Variants in HOXB6 observed in about 807,000 individuals in gnomAD.
HOXB6 encodes homeobox protein Hox-B6.
Under a neutral mutation model 24.2 loss-of-function variants are expected in HOXB6, and 18 were observed. The observed-to-expected ratio is 0.74, with a 90% CI of 0.51 to 1.10. The LOEUF is 1.10. Ranked by LOEUF, HOXB6 falls within the 50% of genes least tolerant of loss-of-function variation. HOXB6 has a pLI of 0.00. For synonymous variants in HOXB6, 159 were observed against 139.1 expected, an observed-to-expected ratio of 1.14 and a Z score of -1.01; for missense variants, 332 against 308.3, an observed-to-expected ratio of 1.08 and a Z score of -0.58.
chr17:48,597,650 T>C (rs2070340326), intron 3 of HOXB6, 86 bp downstream of exon 3: 7 of 1,388,766 alleles, frequency 5.0e-6, no homozygotes, highest in South Asian at 1.2e-5. Context: ...CTGTGGGAGA[T>C]TGGGGCAGGG....
chr17:48,596,568 G>C lies in HOXB6; in HGVS notation c.520C>G (p.Arg174Gly), dbSNP rs1196816931. The change falls in exon 4 of 4, where the codon CGG becomes GGG. Residue 174 changes from arginine to glycine, a missense_variant. Physicochemically the swap from Arg to Gly is moderately radical, Grantham distance 125. Coordinates refer to ENST00000225648, the MANE Select transcript of HOXB6 (RefSeq NM_018952.5). The surrounding 1 kb of genome is among the most constrained non-coding windows in gnomAD (Gnocchi z 4.8). ...EFHYNRYLTR[R>G]RRIEIAHALC... The stretch of plus-strand genomic sequence containing the variant: ...GCGTGCGCGATCTCGATGCGCCGCC[G>C]CCGCGTCAGGTAGCGATTGTAGTGA... 6.2e-7 allele frequency: 1 copy of C among 1,614,230 alleles called. No homozygotes were observed. Among genetic ancestry groups the C allele is most frequent in the Non-Finnish European group, 8.5e-7 (1 of 1,180,042 alleles).
chr17:48,597,278 GA>G, intron 3 of HOXB6: 1 of 222,482 alleles, frequency 4.5e-6, no homozygotes, highest in Non-Finnish European at 8.9e-6. Flanking sequence ...CACCCACAGG[GA>G]AACACAGTCC....
intron 2 of HOXB6, among the ~76,000 whole-genome samples, chr17:48,599,612 G>A (rs904497018): frequency 2.0e-5 from 3 of 152,140 alleles, no homozygotes; most frequent in African/African-American, 4.8e-5. Flanking sequence ...CAGCTTTGCC[G>A]CCTTACAAAT....
intron 2 of HOXB6, chr17:48,601,837 C>A: frequency 8.6e-6 from 2 of 231,582 alleles, no homozygotes; most frequent in Non-Finnish European, 1.8e-5. Context: ...TTTAAAGGAA[C>A]TGCCAGAGCT....
At chr17:48,599,805 G>A (rs1345314521) in intron 2 of HOXB6, among the ~76,000 whole-genome samples, 1 of 152,208 alleles carries the variant, frequency 6.6e-6, no homozygotes, top group African/African-American at 2.4e-5. Context: ...ATGGAACAAA[G>A]TCAGATGTCA....
intron 2 of HOXB6, among the ~76,000 whole-genome samples, chr17:48,601,060 C>T (rs1158626685): frequency 6.7e-6 from 1 of 150,276 alleles, no homozygotes; most frequent in Non-Finnish European, 1.5e-5. Context: ...GAGACATTGT[C>T]CAGGCTTCCA....
intron 2 of HOXB6, 40 bp from the exon 3 acceptor site, chr17:48,598,268 G>A (rs965480235): frequency 1.5e-5 from 16 of 1,056,986 alleles, no homozygotes; most frequent in Non-Finnish European, 2.0e-5. Context: ...TAGCTGAGGG[G>A]GGATGGCGAG....
chr17:48,597,600 A>C, intron 3 of HOXB6, 136 bp downstream of exon 3: 1 of 962,408 alleles, frequency 1.0e-6, no homozygotes, highest in Non-Finnish European at 1.6e-6. Flanking sequence ...CCGGCGCCCA[A>C]TCTTCTTCTA....
At chr17:48,604,041 C>T (rs2070528127) in intron 2 of HOXB6, 1 of 152,754 alleles carries the variant, frequency 6.5e-6, no homozygotes, top group Non-Finnish European at 1.5e-5. Flanking sequence ...GCGATATCCG[C>T]ACCAGGCAAG....
rs1380551695 is a variant in HOXB6 at position 48,597,826 on chromosome 17, C to T, written c.325G>A (p.Ala109Thr). ...FHPEPRKSDC[A>T]QDKSVFGETE... ...TCGCCGAACACGCTCTTGTCCTGCGCGCAGTCCGACTTCCGCGGCTCGGGG... is the reference window on the plus strand; with the variant it reads ...TCGCCGAACACGCTCTTGTCCTGCGTGCAGTCCGACTTCCGCGGCTCGGGG... The change falls in exon 3 of 4, where the codon GCG becomes ACG. Residue 109 changes from alanine (A) to threonine (T), a missense_variant. Ala to Thr is a moderately conservative substitution (Grantham distance 58, BLOSUM62 0). Coordinates refer to ENST00000225648, the MANE Select transcript of HOXB6 (RefSeq NM_018952.5). The T allele has an allele frequency of 1.1e-5, 17 of 1,604,996 alleles. No individual in the cohort carries two copies. Among genetic ancestry groups the T allele is most frequent in the Non-Finnish European group, 1.4e-5 (16 of 1,175,186 alleles).
At chr17:48,598,563 T>A (rs1597875749) in intron 2 of HOXB6, among the ~76,000 whole-genome samples, 1 of 152,190 alleles carries the variant, frequency 6.6e-6, no homozygotes. Context: ...TCCCGGGTGA[T>A]TAAATAAATA....
Position 48,597,948 on chromosome 17 carries a change from C to T in HOXB6, c.203G>A (p.Arg68Gln), listed in dbSNP as rs546181040. Residue 68 changes from arginine (R) to glutamine (Q), a missense_variant, in exon 3 of 4, where the codon CGA (arginine) becomes CAA (glutamine). By Grantham distance (43) the Arg-to-Gln change is conservative. Coordinates refer to ENST00000225648, the MANE Select transcript of HOXB6 (RefSeq NM_018952.5). ...CGGCCCGTAGTCGCAGGGCGCCGCT[C>T]GGCCGTAGCCACCGCCCGCCGGCGG... is the stretch of plus-strand genomic sequence containing the variant. ...YYPPAGGGYG[R>Q]AAPCDYGPAP... The T allele has an allele frequency of 7.6e-5, 119 of 1,572,114 alleles. No homozygotes were observed. Among genetic ancestry groups the T allele is most frequent in the Non-Finnish European group, 1.0e-4 (116 of 1,159,384 alleles).
rs200628196 is a variant in HOXB6 at position 48,597,817 on chromosome 17, T to C, written c.334A>G (p.Lys112Glu). ...TCTTCTGTCTCGCCGAACACGCTCT[T>C]GTCCTGCGCGCAGTCCGACTTCCGC... Reference protein sequence around the residue: ...EPRKSDCAQDKSVFGETEEQK... With the variant: ...EPRKSDCAQDESVFGETEEQK... The change falls in exon 3 of 4, where the codon AAG (lysine) becomes GAG (glutamate). Residue 112 changes from lysine (K) to glutamate (E), a missense_variant. Coordinates refer to ENST00000225648, the MANE Select transcript of HOXB6 (RefSeq NM_018952.5). The C allele has an allele frequency of 1.5e-4, 248 of 1,608,132 alleles. No individual in the cohort carries two copies. Among genetic ancestry groups the C allele is most frequent in the Middle Eastern group, 5.0e-4 (3 of 6,052 alleles).
chr17:48,597,674 T>A (rs2070341435), intron 3 of HOXB6, 62 bp downstream of exon 3: 7 of 1,549,368 alleles, frequency 4.5e-6, no homozygotes, highest in Non-Finnish European at 6.2e-6. Flanking sequence ...GCTCACTAGT[T>A]CTGTGTCCCG....
chr17:48,598,674 G>A (rs1218783827), intron 2 of HOXB6, among the ~76,000 whole-genome samples: 1 of 152,180 alleles, frequency 6.6e-6, no homozygotes, highest in Admixed American at 6.5e-5. Flanking sequence ...GGGAGGGTTG[G>A]GTAAATGTCT....
At position 48,596,738 on chromosome 17, in the gene HOXB6, ACC is replaced by A; in HGVS notation, c.416-68_416-67del. 2 of 1,594,174 alleles carry A rather than the reference ACC, an allele frequency of 1.3e-6. No individual in the cohort carries two copies. The highest frequency in any genetic ancestry group is 2.2e-5 in the South Asian group (2 of 90,408). On this transcript the variant is annotated intron_variant, in intron 3 of 3. Coordinates refer to ENST00000225648, the MANE Select transcript of HOXB6 (RefSeq NM_018952.5). This position sits in a 1 kb window ranked among gnomAD's most constrained non-coding sequence, Gnocchi z 4.8. ...GGCCCAGGACCCCCTCCCCTAGTCGACCCTCGAACACAGACTCCAGCCAGTAC... is the reference window on the plus strand; with the variant it reads ...GGCCCAGGACCCCCTCCCCTAGTCGACTCGAACACAGACTCCAGCCAGTAC...
chr17:48,600,281 C>A (rs1236113026), intron 2 of HOXB6, among the ~76,000 whole-genome samples: 1 of 152,076 alleles, frequency 6.6e-6, no homozygotes, highest in African/African-American at 2.4e-5. Context: ...CTGCCTCCTC[C>A]CTGCCCACAA....
At chr17:48,602,896 G>A (rs1484658773) in intron 2 of HOXB6, among the ~76,000 whole-genome samples, 4 of 152,214 alleles carry the variant, frequency 2.6e-5, no homozygotes, top group Non-Finnish European at 4.4e-5. Flanking sequence ...GTCCCCGAGT[G>A]CCGTGGGTGC....
chr17:48,595,804 T>TC lies in HOXB6; in HGVS notation c.*608_*609insG, dbSNP rs2070265482. On this transcript the variant is annotated 3_prime_UTR_variant, in exon 4 of 4. Transcript: ENST00000225648. Reference sequence around the variant, plus strand: ...TTGTTGTTGTTATTATTATTATTATTATCATCATCATCATCATCATCATCA... The same window carrying TC: ...TTGTTGTTGTTATTATTATTATTATTCATCATCATCATCATCATCATCATCA... 5.8e-4 allele frequency: 111 copies of TC among 190,660 alleles called. No individual in the cohort carries two copies. The highest frequency in any genetic ancestry group is 2.2e-3 in the Middle Eastern group (1 of 446). The allele number at this position is 190,660 out of a possible 1,614,324, so 11.8% of individuals were successfully genotyped here.
Sources: gnomAD v4.1 joint callset for allele counts (sites outside exome capture counted in the v4.1 genomes callset) on GRCh38, gnomAD v4.1.1 for gene constraint, Gnocchi (gnomAD v3.1) non-coding constraint, MANE v1.5 for transcripts, NCBI Gene and HGNC (gene_info 2026-07-23, HGNC 2026-07-21) for gene names.